The following GCH1 variants were observed in gnomAD, a reference collection of about 807,000 sequenced individuals.
GCH1 encodes the protein GTP cyclohydrolase I.
In GCH1, 5 loss-of-function variants were observed where a neutral mutation model predicts 25.9. The ratio of observed to expected loss-of-function variants is 0.19; its 90% CI spans 0.10 to 0.41. The LOEUF (loss-of-function observed/expected upper bound fraction) is 0.41, where lower values mean the gene tolerates loss of function less well. GCH1 is among the 10% of genes least tolerant of loss of function. GCH1 has a pLI of 1.00. For synonymous variants in GCH1, 159 were observed against 129.6 expected, an observed-to-expected ratio of 1.23 and a Z score of -1.54; for missense variants, 261 against 336.5, an observed-to-expected ratio of 0.78 and a Z score of 1.75.
In GCH1 at chr14:54,875,346, G is replaced by A. The variant is rs1344489412; in HGVS notation, c.344-9910C>T. The stretch of plus-strand genomic sequence containing the variant: ...TTCAAGATGGATTAAACACTTAAAC[G>A]TTAGACCTAAAACCATAAAAACCCT... On this transcript the variant is annotated intron_variant, in intron 1 of 5. Coordinates refer to ENST00000491895, the MANE Select transcript of GCH1 (RefSeq NM_000161.3). Among the ~76,000 whole-genome samples the A allele has an allele frequency of 3.3e-5, 5 of 152,226 alleles. No individual in the cohort carries two copies. The South Asian group carries it at 6.2e-4, about 19-fold the overall frequency.
chr14:54,881,649 C>A (rs1037111988), intron 1 of GCH1, among the ~76,000 whole-genome samples: 1 of 152,214 alleles, frequency 6.6e-6, no homozygotes, highest in African/African-American at 2.4e-5. Flanking sequence ...GTCACACCAT[C>A]TGCTGGAGTG....
At chr14:54,880,841 TATACTCC>T (rs1462938825) in intron 1 of GCH1, among the ~76,000 whole-genome samples, 2 of 99,624 alleles carry the variant, frequency 2.0e-5, no homozygotes, top group Admixed American at 1.1e-4. Flanking sequence ...CATATATATA[TATACTCC>T]ATATATATAT....
intron 1 of GCH1, among the ~76,000 whole-genome samples, chr14:54,876,582 C>G (rs997653686): frequency 6.6e-6 from 1 of 151,984 alleles, no homozygotes; most frequent in Non-Finnish European, 1.5e-5. Context: ...TCCCTTGAAC[C>G]CAGGATAGGA....
chr14:54,866,300 C>A (rs550973150), intron 1 of GCH1, among the ~76,000 whole-genome samples: 1 of 152,048 alleles, frequency 6.6e-6, no homozygotes, highest in Admixed American at 6.6e-5. Context: ...ACATTCCCCA[C>A]CAATCATAAT....
intron 1 of GCH1, chr14:54,885,271 G>T: frequency 4.6e-6 from 1 of 216,054 alleles, no homozygotes. Flanking sequence ...CAGGATGGTA[G>T]AAGAAGTAGA....
chr14:54,881,228 G>C (rs1210361876), intron 1 of GCH1, among the ~76,000 whole-genome samples: 1 of 152,088 alleles, frequency 6.6e-6, no homozygotes, highest in Non-Finnish European at 1.5e-5. Context: ...TAAAAAAACA[G>C]GTTACCTTTG....
chr14:54,899,674 C>T (rs983800261), intron 1 of GCH1, among the ~76,000 whole-genome samples: 1 of 151,942 alleles, frequency 6.6e-6, no homozygotes, highest in South Asian at 2.1e-4. Context: ...CATTTTTAGC[C>T]ATCTTGAAGT....
intron 1 of GCH1, among the ~76,000 whole-genome samples, chr14:54,876,412 C>T (rs1055044567): frequency 6.6e-6 from 1 of 151,968 alleles, no homozygotes; most frequent in Non-Finnish European, 1.5e-5. Flanking sequence ...TTAATGGGTG[C>T]AGCACACCAA....
intron 1 of GCH1, among the ~76,000 whole-genome samples, chr14:54,888,852 G>A (rs1265454673): frequency 6.6e-6 from 1 of 152,058 alleles, no homozygotes; most frequent in African/African-American, 2.4e-5. Flanking sequence ...ATACCAAGGA[G>A]ATTTCAGAAT....
intron 1 of GCH1, among the ~76,000 whole-genome samples, chr14:54,884,086 T>C (rs1283384024): frequency 6.6e-6 from 1 of 152,212 alleles, no homozygotes; most frequent in Non-Finnish European, 1.5e-5. Flanking sequence ...AAAGTTTTCA[T>C]AGTTCTGAGC....
At chr14:54,901,082 C>G (rs1400282440) in intron 1 of GCH1, among the ~76,000 whole-genome samples, 1 of 152,058 alleles carries the variant, frequency 6.6e-6, no homozygotes, top group Non-Finnish European at 1.5e-5. Context: ...TTTGGGGCCC[C>G]GTCTCTTTCA....
At position 54,859,544 on chromosome 14, in the gene GCH1, C is replaced by T. The variant is rs1038471504; in HGVS notation, c.509+137G>A. 4 of 712,532 alleles carry T rather than the reference C, an allele frequency of 5.6e-6. No homozygotes were observed. The African/African-American group carries it at 6.9e-5, about 12-fold the overall frequency. The allele number at this position is 712,532 out of a possible 1,614,324, so 44.1% of individuals were successfully genotyped here. On this transcript the variant is annotated intron_variant, in intron 3 of 5. Transcript: ENST00000491895. ...AGGGGCATCTGTGTTTCAGACCCTCCAAGTCTTTAAGTTGCAATATGACTT... is the reference window on the plus strand; with the variant it reads ...AGGGGCATCTGTGTTTCAGACCCTCTAAGTCTTTAAGTTGCAATATGACTT...
At chr14:54,852,122 G>A (rs1020110457) in intron 3 of GCH1, among the ~76,000 whole-genome samples, 1 of 152,024 alleles carries the variant, frequency 6.6e-6, no homozygotes, top group African/African-American at 2.4e-5. Flanking sequence ...CCTTGCTCAA[G>A]GTCGACAGGT....
intron 3 of GCH1, among the ~76,000 whole-genome samples, chr14:54,857,865 G>A (rs1594981307): frequency 6.6e-6 from 1 of 152,132 alleles, no homozygotes; most frequent in Non-Finnish European, 1.5e-5. Flanking sequence ...TGGATCACAC[G>A]CAAGCAGCCA....
intron 5 of GCH1, among the ~76,000 whole-genome samples, chr14:54,845,491 G>C (rs1441682729): frequency 6.8e-6 from 1 of 147,972 alleles, no homozygotes; most frequent in Non-Finnish European, 1.5e-5. Context: ...AAAAAAAAAG[G>C]CTATTGATTA....
intron 2 of GCH1, among the ~76,000 whole-genome samples, chr14:54,862,786 C>T (rs539720291): frequency 6.6e-6 from 1 of 151,634 alleles, no homozygotes; most frequent in South Asian, 2.1e-4. Flanking sequence ...AAATGTTTAG[C>T]CCTAGTCTTA....
intron 1 of GCH1, among the ~76,000 whole-genome samples, chr14:54,883,275 GGCAGAT>G (rs1395507259): frequency 6.6e-6 from 1 of 150,598 alleles, no homozygotes; most frequent in East Asian, 2.0e-4. Context: ...GGTAGGCTGA[GGCAGAT>G]GAATTGCTTG....
intron 1 of GCH1, among the ~76,000 whole-genome samples, chr14:54,887,355 T>C (rs990224311): frequency 2.0e-5 from 3 of 152,208 alleles, no homozygotes; most frequent in Non-Finnish European, 1.5e-5. Flanking sequence ...TCCAGGAATT[T>C]AGTGAGGTCT....
At chr14:54,899,391 G>C (rs2040531182) in intron 1 of GCH1, among the ~76,000 whole-genome samples, 1 of 152,170 alleles carries the variant, frequency 6.6e-6, no homozygotes, top group African/African-American at 2.4e-5. Context: ...CCAGCAGAGT[G>C]AGACTGCAGT....
Sources: gnomAD v4.1 joint callset for allele counts (sites outside exome capture counted in the v4.1 genomes callset) on GRCh38, gnomAD v4.1.1 for gene constraint, MANE v1.5 for transcripts, NCBI Gene and HGNC (gene_info 2026-07-23, HGNC 2026-07-21) for gene names.